Variants in HYCC2 observed in about 807,000 individuals in gnomAD.
HYCC2 encodes the protein hyccin 2.
chr2:200,974,588 C>G, the HYCC2 span: 1 of 151,888 alleles, frequency 6.6e-6, no homozygotes, highest in African/African-American at 2.4e-5. Context: ...CAAACCCCCC[C>G]AAACCCAAAC....
the HYCC2 span, chr2:201,022,740 A>G: frequency 1.3e-6 from 1 of 785,502 alleles, no homozygotes; most frequent in Non-Finnish European, 1.9e-6. Context: ...CAGATCCACA[A>G]GGAAAGAAAA....
chr2:200,988,910 T>C, the HYCC2 span, among the ~76,000 whole-genome samples: 1 of 152,216 alleles, frequency 6.6e-6, no homozygotes, highest in African/African-American at 2.4e-5. Context: ...AATTGGGTTG[T>C]ACTAATCTAG....
chr2:200,991,350 A>G, the HYCC2 span, among the ~76,000 whole-genome samples: 1 of 152,094 alleles, frequency 6.6e-6, no homozygotes, highest in African/African-American at 2.4e-5. Context: ...TGGGTGGATC[A>G]CGAGGTCAGG....
chr2:201,027,259 A>C, the HYCC2 span, among the ~76,000 whole-genome samples: 1 of 152,182 alleles, frequency 6.6e-6, no homozygotes, highest in Admixed American at 6.6e-5. Flanking sequence ...CTGAGACTAA[A>C]CCAGGAAGAA....
chr2:200,998,727 T>G, the HYCC2 span, among the ~76,000 whole-genome samples: 1 of 152,342 alleles, frequency 6.6e-6, no homozygotes, highest in Non-Finnish European at 1.5e-5. Flanking sequence ...CTTCTATGTC[T>G]TAACCCAGTT....
At chr2:200,981,943 A>T in the HYCC2 span, 1 of 1,494,758 alleles carries the variant, frequency 6.7e-7, no homozygotes, top group Non-Finnish European at 9.0e-7. This position sits in a 1 kb window ranked among gnomAD's most constrained non-coding sequence, Gnocchi z 4.5. Context: ...AACAACACTG[A>T]CCTTATCTCT....
chr2:201,042,733 C>A, the HYCC2 span, among the ~76,000 whole-genome samples: 4 of 147,272 alleles, frequency 2.7e-5, no homozygotes, highest in Admixed American at 6.7e-5. Flanking sequence ...CCGCCCCGTC[C>A]GGGAGGTGGG....
At chr2:201,037,547 T>G in the HYCC2 span, among the ~76,000 whole-genome samples, 2 of 152,126 alleles carry the variant, frequency 1.3e-5, no homozygotes, top group Non-Finnish European at 2.9e-5. Context: ...AAGAGAGATA[T>G]AGACCAATGG....
At chr2:201,006,285 C>T in the HYCC2 span, among the ~76,000 whole-genome samples, 8 of 150,566 alleles carry the variant, frequency 5.3e-5, no homozygotes, top group Admixed American at 2.7e-4. Context: ...CCCACCACCA[C>T]GCCTGGTTAA....
At chr2:200,987,301 A>C in the HYCC2 span, 2 of 1,234,370 alleles carry the variant, frequency 1.6e-6, no homozygotes, top group Non-Finnish European at 2.1e-6. Context: ...GCTTGGGGAT[A>C]GAGAGCCAGG....
chr2:201,033,213 G>C, the HYCC2 span, among the ~76,000 whole-genome samples: 1 of 149,590 alleles, frequency 6.7e-6, no homozygotes, highest in South Asian at 2.1e-4. Context: ...GAGAGAGAGA[G>C]AGAGATGAGA....
chr2:201,053,144 C>T, the HYCC2 span, among the ~76,000 whole-genome samples: 5 of 150,944 alleles, frequency 3.3e-5, no homozygotes, highest in Non-Finnish European at 7.4e-5. Flanking sequence ...TTTTTTGAGA[C>T]GGAATTTCGC....
chr2:201,063,845 C>A, the HYCC2 span: 4 of 1,591,432 alleles, frequency 2.5e-6, no homozygotes, highest in African/African-American at 1.3e-5. Flanking sequence ...TGATGGAAGC[C>A]ATTTTGGAGG....
At chr2:200,991,723 A>G in the HYCC2 span, among the ~76,000 whole-genome samples, 1 of 151,516 alleles carries the variant, frequency 6.6e-6, no homozygotes, top group East Asian at 1.9e-4. Flanking sequence ...TGGCAGAGAG[A>G]GACTTCGTAT....
the HYCC2 span, among the ~76,000 whole-genome samples, chr2:201,039,689 C>G: frequency 1.3e-5 from 2 of 152,140 alleles, no homozygotes; most frequent in African/African-American, 4.8e-5. Context: ...ATTAATATTT[C>G]AACCCCACAT....
At chr2:201,039,339 C>A in the HYCC2 span, among the ~76,000 whole-genome samples, 2 of 152,312 alleles carry the variant, frequency 1.3e-5, no homozygotes, top group East Asian at 3.9e-4. Context: ...TGAGCACCTT[C>A]AGCACTGACA....
At chr2:201,062,109 A>G in the HYCC2 span, among the ~76,000 whole-genome samples, 1 of 152,168 alleles carries the variant, frequency 6.6e-6, no homozygotes, top group Admixed American at 6.5e-5. Flanking sequence ...TGTCTCAAAA[A>G]ATTATAAAAT....
At chr2:201,044,771 C>A in the HYCC2 span, among the ~76,000 whole-genome samples, 1 of 152,052 alleles carries the variant, frequency 6.6e-6, no homozygotes, top group Admixed American at 6.6e-5. Context: ...ATTTAGGAGG[C>A]ATTTTTTTCC....
the HYCC2 span, among the ~76,000 whole-genome samples, chr2:201,019,482 G>A: frequency 1.3e-5 from 2 of 152,060 alleles, no homozygotes; most frequent in African/African-American, 4.8e-5. Context: ...GTCAGGTGTG[G>A]TAGCTCACGC....
Sources: allele counts gnomAD v4.1 joint callset (sites outside exome capture counted in the v4.1 genomes callset), GRCh38; gene constraint gnomAD v4.1.1; non-coding constraint Gnocchi (gnomAD v3.1); transcripts MANE v1.5; gene names NCBI Gene and HGNC (gene_info 2026-07-23, HGNC 2026-07-21).